Variants in FBH1 observed in about 807,000 individuals in gnomAD.
FBH1 encodes the protein DNA 3'-5' helicase 1.
In FBH1, 43 loss-of-function variants were observed where a neutral mutation model predicts 115.5. That is an observed-to-expected ratio of 0.37 (90% confidence interval 0.29 to 0.48). The LOEUF (loss-of-function observed/expected upper bound fraction) is 0.48, where lower values mean the gene tolerates loss of function less well. Among genes scored for constraint, FBH1 ranks in the 20% least tolerant of loss-of-function variants. The pLI, the probability that FBH1 is intolerant of heterozygous loss-of-function variation, is 0.99. For synonymous variants in FBH1, 524 were observed against 507.8 expected (o/e 1.03, Z -0.43); for missense variants, 1,001 against 1,337.3 (o/e 0.75, Z 3.92).
chr10:5,913,895 C>G lies in FBH1; in HGVS notation c.1304+56C>G. The G allele has an allele frequency of 7.6e-7, 1 of 1,310,794 alleles. No homozygotes were observed. Among genetic ancestry groups the G allele is most frequent in the Non-Finnish European group, 1.1e-6 (1 of 925,620 alleles). 81.2% of individuals were successfully genotyped at this position (1,310,794 alleles called of 1,614,324 possible). ...TGTCTTCTGTCGACTCTTCCTCATA[C>G]TTAAGGAGGGAGATGTTTTGCTTCA... On this transcript the variant is annotated intron_variant, in intron 7 of 20. Transcript: ENST00000362091. This position sits in a 1 kb window ranked among gnomAD's most constrained non-coding sequence, Gnocchi z 4.4.
rs1402374291 is a variant in FBH1 at position 5,911,388 on chromosome 10, A to G, written c.1211+260A>G. 2.0e-5 allele frequency among the ~76,000 whole-genome samples: 3 copies of G among 152,226 alleles called. No homozygotes were observed. The highest frequency in any genetic ancestry group is 7.2e-5 in the African/African-American group (3 of 41,450). On this transcript the variant is annotated intron_variant, in intron 6 of 20. Coordinates refer to ENST00000362091, the MANE Select transcript of FBH1 (RefSeq NM_178150.3). This position sits in a 1 kb window ranked among gnomAD's most constrained non-coding sequence, Gnocchi z 5.4. ...CTGATTTTACCATCATGGGTCCTGC[A>G]GCCTTAGGGGAAGCCCCTCGCCAAG...
chr10:5,905,364 A>G (rs1843629996), intron 2 of FBH1: 1 of 152,226 alleles, frequency 6.6e-6, no homozygotes. Context: ...ACTAAAATAC[A>G]AAAATGAGCT....
rs1843093489 is a variant in FBH1 at position 5,897,700 on chromosome 10, A to T, written c.2-5320A>T. The stretch of plus-strand genomic sequence containing the variant: ...TCTAAGCGCCCCTCCCCCGGTACCG[A>T]ACCTCAGTTCCTCCCAGGGTGGCTT... On this transcript the variant is annotated intron_variant, in intron 1 of 20. Transcript: ENST00000362091. This position sits in a 1 kb window ranked among gnomAD's most constrained non-coding sequence, Gnocchi z 4.7. Among the ~76,000 whole-genome samples, 2 of 152,104 alleles carry T rather than the reference A, an allele frequency of 1.3e-5. No homozygotes were observed. Among genetic ancestry groups the T allele is most frequent in the Non-Finnish European group, 2.9e-5 (2 of 68,024 alleles).
chr10:5,921,237 C>T lies in FBH1; in HGVS notation c.2101-21C>T. 1.2e-6 allele frequency: 2 copies of T among 1,611,928 alleles called. No individual in the cohort carries two copies. Among genetic ancestry groups the T allele is most frequent in the South Asian group, 2.2e-5 (2 of 90,928 alleles). ...ACACCACAGGGCGGGCTGCTGACTC[C>T]CTCTGTCTTGTTGTTTTCAGAGTTT... On this transcript the variant is annotated intron_variant, in intron 13 of 20. Transcript: ENST00000362091. This position sits in a 1 kb window ranked among gnomAD's most constrained non-coding sequence, Gnocchi z 6.4.
chr10:5,916,077 A>G (rs1328832708), intron 9 of FBH1, 157 bp from the exon 10 acceptor site: 4 of 662,274 alleles, frequency 6.0e-6, no homozygotes, highest in Admixed American at 5.5e-5. Flanking sequence ...CCAGTCAGAC[A>G]TGGACCATGC....
At position 5,921,736 on chromosome 10, in the gene FBH1, A is replaced by G. The variant is rs1017310260; in HGVS notation, c.2322+167A>G. ...GTGGTCTCTATCCCAGGCCATTCTG[A>G]TTATGCCAGCGAAACATTCCTGGAA... On this transcript the variant is annotated intron_variant, in intron 15 of 20. Transcript: ENST00000362091. The surrounding 1 kb of genome is among the most constrained non-coding windows in gnomAD (Gnocchi z 6.4). 3.9e-5 allele frequency among the ~76,000 whole-genome samples: 6 copies of G among 152,228 alleles called. No individual in the cohort carries two copies. Among genetic ancestry groups the G allele is most frequent in the Admixed American group, 2.6e-4 (4 of 15,286 alleles).
rs1833048728 is a variant in FBH1 at position 5,933,024 on chromosome 10, A to G, written c.2830-3432A>G. Among the ~76,000 whole-genome samples, 1 of 152,082 alleles carries G rather than the reference A, an allele frequency of 6.6e-6. No homozygotes were observed. The highest frequency in any genetic ancestry group is 2.1e-4 in the South Asian group (1 of 4,830). The stretch of plus-strand genomic sequence containing the variant: ...GAGCCACTGCACCTGGCCAAGTGTG[A>G]CTTTTCTAGATGTTGCCAATTTTTT... On this transcript the variant is annotated intron_variant, in intron 19 of 20. Transcript: ENST00000362091. The surrounding 1 kb of genome is among the most constrained non-coding windows in gnomAD (Gnocchi z 4.9).
At chr10:5,937,083 A>C in intron 20 of FBH1, 27 bp from the exon 21 acceptor site, 1 of 1,564,460 alleles carries the variant, frequency 6.4e-7, no homozygotes, top group Non-Finnish European at 8.7e-7. Context: ...TGTTCCCCTT[A>C]GCTCTCTCTC....
chr10:5,917,547 T>G lies in FBH1; in HGVS notation c.1876+40T>G. On this transcript the variant is annotated intron_variant, in intron 11 of 20. Transcript: ENST00000362091. The surrounding 1 kb of genome is among the most constrained non-coding windows in gnomAD (Gnocchi z 5.6). ...AATGGCGGGGACTGGCCAATGGGACTGCCTTCCTGGCGTTACAACTCCTGC... is the reference window on the plus strand; with the variant it reads ...AATGGCGGGGACTGGCCAATGGGACGGCCTTCCTGGCGTTACAACTCCTGC... 6.2e-7 allele frequency: 1 copy of G among 1,613,300 alleles called. No individual in the cohort carries two copies. The highest frequency in any genetic ancestry group is 8.5e-7 in the Non-Finnish European group (1 of 1,179,220).
chr10:5,898,202 C>G (rs192518132), intron 1 of FBH1, among the ~76,000 whole-genome samples: 167 of 152,330 alleles, frequency 1.1e-3, no homozygotes, highest in African/African-American at 3.9e-3. Context: ...CTCTCTCACT[C>G]ACAGATCTGG....
chr10:5,904,971 G>A (rs910804294), intron 2 of FBH1, among the ~76,000 whole-genome samples: 1 of 152,138 alleles, frequency 6.6e-6, no homozygotes, highest in Admixed American at 6.5e-5. Context: ...AAGGAACTAT[G>A]TATTATTGAT....
At chr10:5,901,568 CTT>C (rs367715134) in intron 1 of FBH1, among the ~76,000 whole-genome samples, 17 of 130,382 alleles carry the variant, frequency 1.3e-4, no homozygotes, top group South Asian at 2.5e-4. Context: ...TTTTCTTTTT[CTT>C]TTTTTTTTTT....
At chr10:5,937,026 G>A in intron 20 of FBH1, 84 bp from the exon 21 acceptor site, 1 of 1,449,064 alleles carries the variant, frequency 6.9e-7, no homozygotes, top group Non-Finnish European at 9.3e-7. Context: ...CTGGGCAGCT[G>A]TGATGATAAC....
At chr10:5,901,306 G>A (rs1358538184) in intron 1 of FBH1, among the ~76,000 whole-genome samples, 6 of 151,930 alleles carry the variant, frequency 3.9e-5, no homozygotes. Context: ...CGGGGCATAT[G>A]CCACCATGCC....
In FBH1 at chr10:5,910,842, G is replaced by A. The variant is rs564185866; in HGVS notation, c.1021-96G>A. The A allele has an allele frequency of 1.9e-4, 202 of 1,050,576 alleles. 2 individuals carry two copies. In the Middle Eastern group the frequency reaches 2.8e-3, roughly 15 times the overall value. The allele number at this position is 1,050,576 out of a possible 1,614,324, so 65.1% of individuals were successfully genotyped here. A position where few individuals can be genotyped will look rare whatever the true frequency, so the allele number is the denominator to read the frequency against. ...CCAGACAGTCTGTAGCCAGCAGCTG[G>A]ACCCGTGGCTCGGCTTTCCTGACTC... On this transcript the variant is annotated intron_variant, in intron 5 of 20. Coordinates refer to ENST00000362091, the MANE Select transcript of FBH1 (RefSeq NM_178150.3). This position sits in a 1 kb window ranked among gnomAD's most constrained non-coding sequence, Gnocchi z 4.8.
At position 5,914,155 on chromosome 10, in the gene FBH1, C is replaced by A. The variant is rs1214810136; in HGVS notation, c.1305-23C>A. Reference sequence around the variant, plus strand: ...TTTTCACGTCTTTCTGTTTTTCTTACTTCTCTTTTGTAATGATTATAGCAA... The same window carrying A: ...TTTTCACGTCTTTCTGTTTTTCTTAATTCTCTTTTGTAATGATTATAGCAA... On this transcript the variant is annotated intron_variant, in intron 7 of 20. Transcript: ENST00000362091. The surrounding 1 kb of genome is among the most constrained non-coding windows in gnomAD (Gnocchi z 5.2). 2.5e-6 allele frequency: 4 copies of A among 1,606,230 alleles called. No individual in the cohort carries two copies. The highest frequency in any genetic ancestry group is 3.4e-6 in the Non-Finnish European group (4 of 1,175,146).
chr10:5,906,294 C>T lies in FBH1; in HGVS notation c.415C>T (p.Arg139Trp), dbSNP rs150913018. The change falls in exon 3 of 21, where the codon CGG becomes TGG. Residue 139 changes from arginine to tryptophan, a missense_variant. Around this residue, in one of 4 missense-constraint regions of FBH1, gnomAD observed 420 missense variants for 430.4 expected, o/e 0.98. Coordinates refer to ENST00000362091, the MANE Select transcript of FBH1 (RefSeq NM_178150.3). This position sits in a 1 kb window ranked among gnomAD's most constrained non-coding sequence, Gnocchi z 7.3. ...EESNQATGTS[R>W]WDGVSKKAPR... ...GAGTAACCAGGCTACCGGGACCAGCCGGTGGGATGGAGTTTCTAAGAAAGC... is the reference window on the plus strand; with the variant it reads ...GAGTAACCAGGCTACCGGGACCAGCTGGTGGGATGGAGTTTCTAAGAAAGC... 37 of 1,614,076 alleles carry T rather than the reference C, an allele frequency of 2.3e-5. No homozygotes were observed. In the East Asian group the frequency reaches 3.1e-4, roughly 14 times the overall value.
chr10:5,936,407 C>T lies in FBH1; in HGVS notation c.2830-49C>T, dbSNP rs377591317. The stretch of plus-strand genomic sequence containing the variant: ...GCCGCTATCAGTGTTTCCAGTAGAC[C>T]CTAACGGAGGTGTCGCCATGACTCT... On this transcript the variant is annotated intron_variant, in intron 19 of 20. Coordinates refer to ENST00000362091, the MANE Select transcript of FBH1 (RefSeq NM_178150.3). This position sits in a 1 kb window ranked among gnomAD's most constrained non-coding sequence, Gnocchi z 5.6. The T allele has an allele frequency of 6.2e-7, 1 of 1,601,240 alleles. No individual in the cohort carries two copies. Among genetic ancestry groups the T allele is most frequent in the Middle Eastern group, 1.9e-4 (1 of 5,176 alleles).
At position 5,925,410 on chromosome 10, in the gene FBH1, T is replaced by C; in HGVS notation, c.2640T>C (p.Phe880=). The part of the protein sequence containing the change: ...GTVHKAKGLE[F]DTVHVLDDFV... ...TGCACAAAGCCAAAGGCCTGGAGTT[T>C]GACACTGTGCATGTTTTGGATGATT... The change falls in exon 18 of 21, where the codon TTT becomes TTC. Residue 880 remains phenylalanine (F), a synonymous_variant. Transcript: ENST00000362091. This position sits in a 1 kb window ranked among gnomAD's most constrained non-coding sequence, Gnocchi z 4.6. The C allele has an allele frequency of 6.2e-7, 1 of 1,614,234 alleles. No homozygotes were observed. The highest frequency in any genetic ancestry group is 8.5e-7 in the Non-Finnish European group (1 of 1,180,046).
Sources: gnomAD v4.1 joint callset for allele counts (sites outside exome capture counted in the v4.1 genomes callset) on GRCh38, gnomAD v4.1.1 for gene constraint, gnomAD v4.1.1 regional missense constraint, Gnocchi (gnomAD v3.1) non-coding constraint, MANE v1.5 for transcripts, NCBI Gene and HGNC (gene_info 2026-07-23, HGNC 2026-07-21) for gene names.